VPS35L: variants seen among roughly 807,000 people sequenced by gnomAD.
The protein encoded by VPS35L is VPS35 endosomal protein sorting factor like.
VPS35L carries 83 observed loss-of-function variants against 133.0 expected under a neutral mutation model. That is an observed-to-expected ratio of 0.62 (90% CI 0.52 to 0.75). The LOEUF (loss-of-function observed/expected upper bound fraction) is 0.75, where lower values mean the gene tolerates loss of function less well. Among genes scored for constraint, VPS35L ranks in the 30% least tolerant of loss-of-function variants. The pLI is 0.00. For synonymous variants in VPS35L, 423 were observed against 449.9 expected (o/e 0.94, Z 0.76); for missense variants, 1,083 against 1,206.8 (o/e 0.90, Z 1.52).
chr16:19,557,377 C>T (rs577705765), intron 1 of VPS35L, among the ~76,000 whole-genome samples: 4 of 152,168 alleles, frequency 2.6e-5, no homozygotes, highest in South Asian at 2.1e-4. Context: ...CTAATATGGC[C>T]GTGCTCTAAA....
chr16:19,593,565 G>T (rs1191364221), intron 8 of VPS35L, among the ~76,000 whole-genome samples: 1 of 152,148 alleles, frequency 6.6e-6, no homozygotes, highest in African/African-American at 2.4e-5. Flanking sequence ...AAAAGTCCAG[G>T]GGTAGTTTGG....
intron 29 of VPS35L, among the ~76,000 whole-genome samples, chr16:19,696,578 T>G (rs544367816): frequency 6.6e-6 from 1 of 152,002 alleles, no homozygotes; most frequent in Non-Finnish European, 1.5e-5. Context: ...CTCTTTTCTA[T>G]TTAAAACCTC....
chr16:19,632,202 A>G (rs1473040081), intron 18 of VPS35L, among the ~76,000 whole-genome samples: 1 of 152,108 alleles, frequency 6.6e-6, no homozygotes, highest in Non-Finnish European at 1.5e-5. Flanking sequence ...ACCTCAAGCA[A>G]TCCACCTGCC....
At chr16:19,559,137 A>T (rs1199331372) in intron 1 of VPS35L, among the ~76,000 whole-genome samples, 1 of 152,192 alleles carries the variant, frequency 6.6e-6, no homozygotes, top group Admixed American at 6.6e-5. Context: ...GTATAAGGAG[A>T]TTAATTTGGT....
intron 28 of VPS35L, among the ~76,000 whole-genome samples, chr16:19,685,838 CCAGA>C (rs1246142902): frequency 6.6e-6 from 1 of 152,080 alleles, no homozygotes; most frequent in African/African-American, 2.4e-5. Context: ...GCTTTGAGGA[CCAGA>C]CAGAGACCTG....
At chr16:19,655,580 T>C (rs780724478) in intron 26 of VPS35L, among the ~76,000 whole-genome samples, 11 of 152,158 alleles carry the variant, frequency 7.2e-5, no homozygotes, top group Non-Finnish European at 1.2e-4. Context: ...AGTAAACTCC[T>C]GTTGAACCCT....
At chr16:19,586,542 G>A (rs1270166208) in intron 7 of VPS35L, among the ~76,000 whole-genome samples, 2 of 152,008 alleles carry the variant, frequency 1.3e-5, no homozygotes, top group African/African-American at 4.8e-5. Flanking sequence ...GTTTTGCCAT[G>A]TTGGCCAGGC....
At chr16:19,642,145 G>A (rs1379369902) in intron 21 of VPS35L, among the ~76,000 whole-genome samples, 1 of 152,154 alleles carries the variant, frequency 6.6e-6, no homozygotes, top group Non-Finnish European at 1.5e-5. Context: ...AGGAGGCAGG[G>A]GCTGCAGTGA....
intron 1 of VPS35L, among the ~76,000 whole-genome samples, chr16:19,558,619 C>G (rs1223370829): frequency 6.6e-6 from 1 of 152,190 alleles, no homozygotes; most frequent in Non-Finnish European, 1.5e-5. Flanking sequence ...TTATAGCACA[C>G]TTGGAAATAC....
intron 7 of VPS35L, among the ~76,000 whole-genome samples, chr16:19,582,512 A>G (rs1199706931): frequency 6.6e-6 from 1 of 152,108 alleles, no homozygotes; most frequent in Admixed American, 6.5e-5. Flanking sequence ...TTTCTTTGGT[A>G]TTTCATGATG....
intron 8 of VPS35L, among the ~76,000 whole-genome samples, chr16:19,593,125 A>C (rs1972095983): frequency 6.6e-6 from 1 of 152,182 alleles, no homozygotes; most frequent in Non-Finnish European, 1.5e-5. Context: ...TTTAGACTGA[A>C]GAGAATAACC....
chr16:19,578,064 C>T (rs933783224), intron 5 of VPS35L, among the ~76,000 whole-genome samples: 7 of 152,208 alleles, frequency 4.6e-5, no homozygotes, highest in African/African-American at 1.7e-4. Context: ...AAACTGCATG[C>T]TGCAGGCCAA....
Position 19,569,469 on chromosome 16 carries a change from T to G in VPS35L, c.163T>G (p.Ser55Ala). ...TKKVNRKGST[S>A]STSSSSSSSV... ...GAAAGTGAACCGGAAAGGAAGCACT[T>G]CTTCCACGTCCTCCTCCTCCTCCAG... Residue 55 changes from serine to alanine, a missense_variant, in exon 3 of 31, where the codon TCT becomes GCT. Transcript: ENST00000417362. 6.2e-7 allele frequency: 1 copy of G among 1,606,576 alleles called. No individual in the cohort carries two copies. Among genetic ancestry groups the G allele is most frequent in the Non-Finnish European group, 8.5e-7 (1 of 1,176,608 alleles).
chr16:19,630,603 G>A (rs1973423975), intron 18 of VPS35L, among the ~76,000 whole-genome samples: 1 of 151,972 alleles, frequency 6.6e-6, no homozygotes, highest in Non-Finnish European at 1.5e-5. Context: ...CAAAGTGCTG[G>A]GATTACAGGC....
At chr16:19,560,930 A>G (rs1385596051) in intron 1 of VPS35L, among the ~76,000 whole-genome samples, 1 of 152,000 alleles carries the variant, frequency 6.6e-6, no homozygotes, top group East Asian at 1.9e-4. Context: ...GCCTGATAGC[A>G]TCCTTGATGG....
intron 8 of VPS35L, among the ~76,000 whole-genome samples, chr16:19,600,060 T>C (rs1018005308): frequency 1.3e-5 from 2 of 152,078 alleles, no homozygotes; most frequent in African/African-American, 2.4e-5. Context: ...GGAATGAATG[T>C]AGATAGGAAG....
chr16:19,667,733 G>T (rs1597413814), intron 26 of VPS35L, among the ~76,000 whole-genome samples: 1 of 142,962 alleles, frequency 7.0e-6, no homozygotes, highest in African/African-American at 2.7e-5. Flanking sequence ...GACCCTGTCT[G>T]GAAAAAAAAA....
chr16:19,658,825 G>A (rs757508387), intron 26 of VPS35L, among the ~76,000 whole-genome samples: 38 of 152,144 alleles, frequency 2.5e-4, no homozygotes, highest in Non-Finnish European at 2.4e-4. Context: ...ATGAGGAGGA[G>A]ATCAAGTTAA....
chr16:19,690,405 G>A (rs921326660), intron 28 of VPS35L, among the ~76,000 whole-genome samples: 1 of 152,198 alleles, frequency 6.6e-6, no homozygotes, highest in Non-Finnish European at 1.5e-5. Context: ...CTAGGCAGTG[G>A]TTGTCACAGG....
Sources: allele counts gnomAD v4.1 joint callset (sites outside exome capture counted in the v4.1 genomes callset), GRCh38; gene constraint gnomAD v4.1.1; transcripts MANE v1.5; gene names NCBI Gene and HGNC (gene_info 2026-07-23, HGNC 2026-07-21).